Variants in CNTNAP4 observed in about 807,000 individuals in gnomAD.
CNTNAP4 encodes contactin-associated protein-like 4.
Under a neutral mutation model 148.4 loss-of-function variants are expected in CNTNAP4, and 98 were observed. The ratio of observed to expected loss-of-function variants is 0.66; its 90% CI spans 0.56 to 0.78. The LOEUF (loss-of-function observed/expected upper bound fraction) is 0.78. Ranked by LOEUF, CNTNAP4 falls within the 30% of genes least tolerant of loss-of-function variation. The pLI, the probability that CNTNAP4 is intolerant of heterozygous loss-of-function variation, is 0.00. For synonymous variants in CNTNAP4, 730 were observed against 565.1 expected (o/e 1.29, Z -4.14); for missense variants, 1,935 against 1,565.6 (o/e 1.24, Z -3.98).
rs16944330 is a variant in CNTNAP4, at chr16:76,384,636, C to T, written c.390+29125C>T. 8.6e-3 allele frequency among the ~76,000 whole-genome samples: 1,302 copies of T among 152,148 alleles called. 24 individuals are homozygous for T. The highest frequency in any genetic ancestry group is 0.03 in the African/African-American group (1,233 of 41,504). The stretch of plus-strand genomic sequence containing the variant: ...CCTTGGTACCTACCTTAGGAGATTC[C>T]GCGCTCCTCTCTCAGGAACAGTCAT... On this transcript the variant is annotated intron_variant, in intron 3 of 23. Coordinates refer to ENST00000611870, the MANE Select transcript of CNTNAP4 (RefSeq NM_033401.5).
At chr16:76,521,959 G>A in intron 16 of CNTNAP4, 80 bp from the exon 17 acceptor site, 1 of 1,240,414 alleles carries the variant, frequency 8.1e-7, no homozygotes, top group African/African-American at 1.5e-5. Flanking sequence ...TTACGCTGTA[G>A]TGTGTTCCTA....
At chr16:76,343,233 G>T (rs1381990989) in intron 2 of CNTNAP4, among the ~76,000 whole-genome samples, 1 of 151,928 alleles carries the variant, frequency 6.6e-6, no homozygotes, top group African/African-American at 2.4e-5. Flanking sequence ...TGTGATAGGT[G>T]GCCTGACAAT....
chr16:76,518,802 C>G (rs2144079435), intron 15 of CNTNAP4, among the ~76,000 whole-genome samples: 1 of 152,280 alleles, frequency 6.6e-6, no homozygotes, highest in South Asian at 2.1e-4. Flanking sequence ...TTCCTTCTAT[C>G]TAACTGGAAT....
At chr16:76,392,707 T>C (rs999556855) in intron 3 of CNTNAP4, among the ~76,000 whole-genome samples, 16 of 152,194 alleles carry the variant, frequency 1.1e-4, no homozygotes, top group Middle Eastern at 3.4e-3. Flanking sequence ...TTTCTTGGAG[T>C]GTTGAGTCTT....
intron 4 of CNTNAP4, among the ~76,000 whole-genome samples, chr16:76,429,823 G>T (rs2079547761): frequency 6.6e-6 from 1 of 152,114 alleles, no homozygotes; most frequent in Non-Finnish European, 1.5e-5. Context: ...CATGTATTTG[G>T]TCAATATTCT....
At chr16:76,331,683 C>T (rs1223183984) in intron 2 of CNTNAP4, among the ~76,000 whole-genome samples, 2 of 152,140 alleles carry the variant, frequency 1.3e-5, no homozygotes, top group African/African-American at 4.8e-5. Context: ...GCATTGTATG[C>T]ACTAACATAG....
intron 12 of CNTNAP4, among the ~76,000 whole-genome samples, chr16:76,482,570 C>G (rs2143694488): frequency 6.6e-6 from 1 of 152,126 alleles, no homozygotes; most frequent in South Asian, 2.1e-4. Flanking sequence ...GTGGCAAACT[C>G]TGTGCCAACA....
chr16:76,372,797 G>A (rs369281216), intron 3 of CNTNAP4, among the ~76,000 whole-genome samples: 8 of 152,096 alleles, frequency 5.3e-5, no homozygotes, highest in East Asian at 1.9e-4. Context: ...GCCTGGTTTC[G>A]AATTATACCT....
chr16:76,355,962 C>A (rs1455856768), intron 3 of CNTNAP4, among the ~76,000 whole-genome samples: 1 of 151,862 alleles, frequency 6.6e-6, no homozygotes, highest in Non-Finnish European at 1.5e-5. Flanking sequence ...GCAACCTCTG[C>A]CTCCCGGGTT....
At chr16:76,521,819 T>C (rs2083463572) in intron 16 of CNTNAP4, among the ~76,000 whole-genome samples, 1 of 152,176 alleles carries the variant, frequency 6.6e-6, no homozygotes, top group East Asian at 1.9e-4. Context: ...ATACCATTTT[T>C]TTTTCAAAAA....
intron 8 of CNTNAP4, among the ~76,000 whole-genome samples, chr16:76,455,096 T>G (rs1020332381): frequency 6.6e-6 from 1 of 152,204 alleles, no homozygotes; most frequent in East Asian, 1.9e-4. Flanking sequence ...ATTCAACACA[T>G]TATATTAGTA....
intron 10 of CNTNAP4, among the ~76,000 whole-genome samples, chr16:76,469,144 T>G (rs973719289): frequency 1.2e-4 from 18 of 152,214 alleles, no homozygotes; most frequent in African/African-American, 4.3e-4. Context: ...AATAACCATA[T>G]TCAGCAATAA....
chr16:76,429,466 A>G (rs764410773), intron 4 of CNTNAP4, among the ~76,000 whole-genome samples: 13 of 152,188 alleles, frequency 8.5e-5, no homozygotes, highest in Non-Finnish European at 1.6e-4. Flanking sequence ...TAATCCTCAA[A>G]ACCACCCATT....
chr16:76,487,277 T>G (rs995499256), intron 12 of CNTNAP4, among the ~76,000 whole-genome samples: 3 of 152,236 alleles, frequency 2.0e-5, no homozygotes, highest in African/African-American at 7.2e-5. Flanking sequence ...GTTTATTCCC[T>G]CATTTCTTCA....
intron 2 of CNTNAP4, among the ~76,000 whole-genome samples, chr16:76,330,974 G>A (rs901166746): frequency 1.3e-5 from 2 of 152,150 alleles, no homozygotes; most frequent in Non-Finnish European, 2.9e-5. Flanking sequence ...TTTGATGAGT[G>A]ATTATTTTAC....
chr16:76,483,012 ATGAATTCCAG>A (rs1451891327), intron 12 of CNTNAP4, among the ~76,000 whole-genome samples: 1 of 151,694 alleles, frequency 6.6e-6, no homozygotes, highest in Admixed American at 6.6e-5. Context: ...AGTGTAAGAT[ATGAATTCCAG>A]TGCCAAAATG....
chr16:76,428,983 C>T (rs937463642), intron 4 of CNTNAP4, among the ~76,000 whole-genome samples: 4 of 152,120 alleles, frequency 2.6e-5, no homozygotes, highest in Non-Finnish European at 5.9e-5. Flanking sequence ...AGTGGCAGAG[C>T]TGGGTTTGCA....
chr16:76,385,919 T>C (rs150223910), intron 3 of CNTNAP4, among the ~76,000 whole-genome samples: 10 of 152,026 alleles, frequency 6.6e-5, no homozygotes, highest in African/African-American at 2.2e-4. Context: ...GCTCTACGTT[T>C]GGGGCCCATT....
At chr16:76,312,420 G>C (rs1961226006) in intron 1 of CNTNAP4, among the ~76,000 whole-genome samples, 1 of 152,130 alleles carries the variant, frequency 6.6e-6, no homozygotes, top group African/African-American at 2.4e-5. Flanking sequence ...GAGAAAACTG[G>C]TTTTCTGGAA....
Sources: gnomAD v4.1 joint callset for allele counts (sites outside exome capture counted in the v4.1 genomes callset) on GRCh38, gnomAD v4.1.1 for gene constraint, MANE v1.5 for transcripts, NCBI Gene and HGNC (gene_info 2026-07-23, HGNC 2026-07-21) for gene names.